Variants in LRRC41 observed in about 807,000 individuals in gnomAD.
LRRC41 encodes leucine rich repeat containing 41.
A neutral mutation model predicts 72.1 loss-of-function variants in LRRC41; 17 were observed. The observed-to-expected ratio is 0.24, with a 90% CI of 0.16 to 0.35. The LOEUF is 0.35. LRRC41 is among the 10% of genes least tolerant of loss of function. LRRC41 has a pLI of 1.00. For missense variants in LRRC41, 759 were observed against 1,065.0 expected (o/e 0.71, Z 4.00); for synonymous variants, 427 against 431.0 (o/e 0.99, Z 0.11).
intron 3 of LRRC41, among the ~76,000 whole-genome samples, chr1:46,289,873 C>CT (rs1174020240): frequency 6.6e-6 from 1 of 152,138 alleles, no homozygotes; most frequent in Admixed American, 6.5e-5. Context: ...TGATTTAGTA[C>CT]TTTGTTTTCT....
Position 46,285,932 on chromosome 1 carries a change from C to T in LRRC41, c.925G>A (p.Glu309Lys). The T allele has an allele frequency of 6.5e-7, 1 of 1,534,882 alleles. No individual in the cohort carries two copies. The highest frequency in any genetic ancestry group is 1.3e-5 in the South Asian group (1 of 78,624). ...GCAGCTCTGGGCATCTGCTTGGCTTCACTCTTACGCCGGCTGGCCATCAGG... is the reference window on the plus strand; with the variant it reads ...GCAGCTCTGGGCATCTGCTTGGCTTTACTCTTACGCCGGCTGGCCATCAGG... ...AALMASRRKSEAKQMPRAAPA... is the reference protein window; with the variant it reads ...AALMASRRKSKAKQMPRAAPA... The change falls in exon 4 of 10, where the codon GAA (glutamate) becomes AAA (lysine). Residue 309 changes from glutamate (E) to lysine (K), a missense_variant. Glu to Lys is a moderately conservative substitution (Grantham distance 56). Coordinates refer to ENST00000617190, the MANE Select transcript of LRRC41 (RefSeq NM_006369.5). The surrounding 1 kb of genome is among the most constrained non-coding windows in gnomAD (Gnocchi z 5.3).
Position 46,303,169 on chromosome 1 carries a change from G to A in LRRC41, c.154C>T (p.Arg52Trp). The change falls in exon 1 of 10, where the codon CGG becomes TGG. Residue 52 changes from arginine (R) to tryptophan (W), a missense_variant. Physicochemically the swap from Arg to Trp is moderately radical, Grantham distance 101. Transcript: ENST00000617190. ...ACCCCCATATGGGCGCTCACCGCCC[G>A]CCCGCACAGCTCGAACAGGGCGGGG... Reference protein sequence around the residue: ...APPALFELCGRAVSAHMGVLE... With the variant: ...APPALFELCGWAVSAHMGVLE... The A allele has an allele frequency of 4.5e-6, 7 of 1,548,298 alleles. No individual in the cohort carries two copies. The highest frequency in any genetic ancestry group is 5.2e-6 in the Non-Finnish European group (6 of 1,153,674).
chr1:46,288,562 CTA>C (rs932739930), intron 3 of LRRC41, among the ~76,000 whole-genome samples: 1 of 152,240 alleles, frequency 6.6e-6, no homozygotes, highest in Non-Finnish European at 1.5e-5. Context: ...TTCCCCAAGA[CTA>C]AAACATTTCT....
Position 46,279,607 on chromosome 1 carries a change from G to A in LRRC41, c.2028C>T (p.Thr676=), listed in dbSNP as rs751409435. The change falls in exon 8 of 10, where the codon ACC becomes ACT. Residue 676 remains threonine, a synonymous_variant. Transcript: ENST00000617190. The surrounding 1 kb of genome is among the most constrained non-coding windows in gnomAD (Gnocchi z 4.5). The part of the protein sequence containing the change: ...LLQNLTLQEI[T]FSFCRLFEKR... ...TCTCAAACAGACGGCAGAAGGAGAA[G>A]GTAATCTCTGTCAAGAAAAATTATA... The A allele has an allele frequency of 6.2e-7, 1 of 1,614,164 alleles. No homozygotes were observed. Among genetic ancestry groups the A allele is most frequent in the Non-Finnish European group, 8.5e-7 (1 of 1,180,036 alleles).
chr1:46,280,820 G>A (rs993329875), intron 5 of LRRC41, among the ~76,000 whole-genome samples: 2 of 152,132 alleles, frequency 1.3e-5, no homozygotes, highest in Non-Finnish European at 2.9e-5. Context: ...CAGAGTGGTG[G>A]GATAGGAGAC....
chr1:46,290,820 C>G (rs1660995124), intron 3 of LRRC41, among the ~76,000 whole-genome samples: 1 of 151,008 alleles, frequency 6.6e-6, no homozygotes. Context: ...GTTGGCCAGG[C>G]TGGTCTCAAA....
Position 46,303,161 on chromosome 1 carries a change from C to A in LRRC41, c.162G>T (p.Val54=). 1.9e-6 allele frequency: 3 copies of A among 1,540,880 alleles called. No individual in the cohort carries two copies. The highest frequency in any genetic ancestry group is 2.4e-5 in the East Asian group (1 of 41,792). ...PALFELCGRA[V]SAHMGVLESG... ...TCTCCAGAACCCCCATATGGGCGCTCACCGCCCGCCCGCACAGCTCGAACA... is the reference window on the plus strand; with the variant it reads ...TCTCCAGAACCCCCATATGGGCGCTAACCGCCCGCCCGCACAGCTCGAACA... The change falls in exon 1 of 10, where the codon GTG becomes GTT. Residue 54 remains valine, a synonymous_variant. Coordinates refer to ENST00000617190, the MANE Select transcript of LRRC41 (RefSeq NM_006369.5).
chr1:46,293,294 C>T (rs1661055843), intron 3 of LRRC41, among the ~76,000 whole-genome samples: 1 of 152,036 alleles, frequency 6.6e-6, no homozygotes, highest in South Asian at 2.1e-4. Context: ...CACTGGAGTG[C>T]AGTGTCATTA....
intron 3 of LRRC41, among the ~76,000 whole-genome samples, chr1:46,294,629 C>T (rs996110442): frequency 4.7e-5 from 6 of 127,456 alleles, no homozygotes; most frequent in Admixed American, 2.9e-4. Context: ...GAGTCTTGCT[C>T]TGTTGCCCAG....
Position 46,280,622 on chromosome 1 carries a change from C to G in LRRC41, c.1757-62G>C, listed in dbSNP as rs964762044. 13 of 1,533,270 alleles carry G rather than the reference C, an allele frequency of 8.5e-6. No homozygotes were observed. The African/African-American group carries it at 1.1e-4, about 13-fold the overall frequency. The allele number at this position is 1,533,270 out of a possible 1,614,324, so 95.0% of individuals were successfully genotyped here. A position where few individuals can be genotyped will look rare whatever the true frequency, so the allele number is the denominator to read the frequency against. ...TCTCTACCTCACTCCCATAGCAGGT[C>G]CCATCCTGTTCTTAAGGGATTCATC... On this transcript the variant is annotated intron_variant, in intron 5 of 9. Transcript: ENST00000617190.
At chr1:46,282,196 G>A (rs917895414) in intron 4 of LRRC41, among the ~76,000 whole-genome samples, 2 of 152,178 alleles carry the variant, frequency 1.3e-5, no homozygotes, top group Non-Finnish European at 2.9e-5. Context: ...GCCACATTAT[G>A]GAAAGGCAAA....
intron 1 of LRRC41, chr1:46,301,866 C>A: frequency 1.2e-6 from 1 of 804,598 alleles, no homozygotes; most frequent in Non-Finnish European, 1.5e-6. Flanking sequence ...CCTGCCACCT[C>A]TTCGCCCAAC....
intron 3 of LRRC41, among the ~76,000 whole-genome samples, chr1:46,289,769 AAAG>A (rs1212036845): frequency 2.6e-5 from 4 of 152,198 alleles, no homozygotes; most frequent in African/African-American, 7.2e-5. Context: ...TCCAAAAAAA[AAAG>A]GAGTCTATGC....
chr1:46,281,825 T>C (rs965787222), intron 4 of LRRC41, among the ~76,000 whole-genome samples: 30 of 152,304 alleles, frequency 2.0e-4, no homozygotes, highest in African/African-American at 7.2e-4. Context: ...ACGCCTGTAA[T>C]CCCAGCACTT....
chr1:46,295,426 A>G (rs916910002), intron 3 of LRRC41, among the ~76,000 whole-genome samples: 3 of 152,194 alleles, frequency 2.0e-5, no homozygotes, highest in Admixed American at 6.5e-5. Context: ...TAAGCATTCT[A>G]TATTTATCTT....
Position 46,278,601 on chromosome 1 carries a change from T to G in LRRC41, c.*264A>C. On this transcript the variant is annotated 3_prime_UTR_variant, in exon 10 of 10. Coordinates refer to ENST00000617190, the MANE Select transcript of LRRC41 (RefSeq NM_006369.5). ...CAGGGGAGGGGATCTCTTCAGCAAT[T>G]ATGATGACCACTGTAACCTCCTGGC... 1 of 605,950 alleles carries G rather than the reference T, an allele frequency of 1.7e-6. No homozygotes were observed. Among genetic ancestry groups the G allele is most frequent in the Non-Finnish European group, 2.9e-6 (1 of 344,656 alleles). 37.5% of individuals were successfully genotyped at this position (605,950 alleles called of 1,614,324 possible).
intron 5 of LRRC41, 38 bp downstream of exon 5, chr1:46,281,087 G>C: frequency 6.2e-7 from 1 of 1,605,912 alleles, no homozygotes. Flanking sequence ...GGGGATACAC[G>C]TGCGTGCACA....
Position 46,279,677 on chromosome 1 carries a change from C to T in LRRC41, c.2021-63G>A, listed in dbSNP as rs1384962477. On this transcript the variant is annotated intron_variant, in intron 7 of 9. Coordinates refer to ENST00000617190, the MANE Select transcript of LRRC41 (RefSeq NM_006369.5). The surrounding 1 kb of genome is among the most constrained non-coding windows in gnomAD (Gnocchi z 4.5). ...TTAGGACTGGTGCTGCCCCTCCTGC[C>T]CCAGTTGGCCCTAGCAAGGGGTATT... The T allele has an allele frequency of 1.2e-5, 19 of 1,603,270 alleles. No individual in the cohort carries two copies. The East Asian group carries it at 4.2e-4, about 36-fold the overall frequency.
intron 1 of LRRC41, 51 bp from the exon 2 acceptor site, chr1:46,298,421 C>A (rs754169706): frequency 1.8e-6 from 2 of 1,140,384 alleles, no homozygotes; most frequent in Admixed American, 4.0e-5. Flanking sequence ...CCCTCCCACC[C>A]AAGAGGTTTC....
Sources: gnomAD v4.1 joint callset for allele counts (sites outside exome capture counted in the v4.1 genomes callset) on GRCh38, gnomAD v4.1.1 for gene constraint, Gnocchi (gnomAD v3.1) non-coding constraint, MANE v1.5 for transcripts, NCBI Gene and HGNC (gene_info 2026-07-23, HGNC 2026-07-21) for gene names.